Variants in NME7 observed in about 807,000 individuals in gnomAD.
The protein encoded by NME7 is nucleoside diphosphate kinase 7.
A neutral mutation model predicts 49.1 loss-of-function variants in NME7; 41 were observed. The observed-to-expected ratio is 0.83, with a 90% CI of 0.65 to 1.08. NME7 has a LOEUF of 1.08. NME7 is among the 50% of genes least tolerant of loss of function. The pLI, the probability that NME7 is intolerant of heterozygous loss-of-function variation, is 0.00. For missense variants in NME7, 423 were observed against 463.4 expected (o/e 0.91, Z 0.80); for synonymous variants, 139 against 150.6 (o/e 0.92, Z 0.56).
chr1:169,236,469 C>T (rs937698111), intron 8 of NME7, among the ~76,000 whole-genome samples: 1 of 152,068 alleles, frequency 6.6e-6, no homozygotes, highest in African/African-American at 2.4e-5. Context: ...TTCATTAGTA[C>T]AAACTATACC....
At chr1:169,202,345 C>A (rs1056994030) in intron 10 of NME7, among the ~76,000 whole-genome samples, 1 of 152,162 alleles carries the variant, frequency 6.6e-6, no homozygotes, top group Admixed American at 6.5e-5. Context: ...TGGCACCCCC[C>A]TCCCCACCAC....
At chr1:169,331,754 A>C (rs1297609399) in intron 1 of NME7, among the ~76,000 whole-genome samples, 1 of 152,062 alleles carries the variant, frequency 6.6e-6, no homozygotes, top group Non-Finnish European at 1.5e-5. Context: ...AGAATTAACA[A>C]AAGAAATGAA....
intron 11 of NME7, among the ~76,000 whole-genome samples, chr1:169,152,032 T>C (rs1278668095): frequency 6.6e-6 from 1 of 152,212 alleles, no homozygotes; most frequent in African/African-American, 2.4e-5. Context: ...TTATATTTGG[T>C]AAAAAGATAA....
rs1019932511 is a variant in NME7, at chr1:169,275,164, C to T, written c.754+12139G>A. On this transcript the variant is annotated intron_variant, in intron 7 of 11. Coordinates refer to ENST00000367811, the MANE Select transcript of NME7 (RefSeq NM_013330.5). ...TCACTGAGCAATGGTTTGTAGTTCTCCTTGAAGAGGTCCTTCACGTCCCTT... is the reference window on the plus strand; with the variant it reads ...TCACTGAGCAATGGTTTGTAGTTCTTCTTGAAGAGGTCCTTCACGTCCCTT... Among the ~76,000 whole-genome samples, 4 of 131,740 alleles carry T rather than the reference C, an allele frequency of 3.0e-5. 1 individual carries two copies. The highest frequency in any genetic ancestry group is 7.1e-5 in the Non-Finnish European group (4 of 56,450). 86.4% of individuals were successfully genotyped at this position (131,740 alleles called of 152,430 possible).
At chr1:169,283,325 G>A (rs1650115547) in intron 7 of NME7, among the ~76,000 whole-genome samples, 1 of 151,808 alleles carries the variant, frequency 6.6e-6, no homozygotes, top group Non-Finnish European at 1.5e-5. Flanking sequence ...CCTTTACTTT[G>A]AGCCTATATG....
At chr1:169,276,841 C>A (rs556948764) in intron 7 of NME7, among the ~76,000 whole-genome samples, 1 of 141,428 alleles carries the variant, frequency 7.1e-6, no homozygotes, top group African/African-American at 2.5e-5. Context: ...ATAAATTTCC[C>A]TCTACACACT....
intron 8 of NME7, among the ~76,000 whole-genome samples, chr1:169,236,961 A>C (rs1470884503): frequency 6.6e-6 from 1 of 152,144 alleles, no homozygotes. Context: ...TATCTGATTT[A>C]TATAATAATC....
At chr1:169,192,648 G>A (rs533039525) in intron 10 of NME7, among the ~76,000 whole-genome samples, 84 of 152,174 alleles carry the variant, frequency 5.5e-4, no homozygotes, top group African/African-American at 2.0e-3. Flanking sequence ...CTTTGCATAA[G>A]TTTACTCTGT....
chr1:169,238,131 G>T (rs1477802841), intron 7 of NME7, among the ~76,000 whole-genome samples: 2 of 151,934 alleles, frequency 1.3e-5, no homozygotes, highest in African/African-American at 4.8e-5. Flanking sequence ...ACGGGGAAAT[G>T]AAAAGCATGA....
chr1:169,287,689 T>C (rs1650332192), intron 6 of NME7, among the ~76,000 whole-genome samples: 2 of 152,284 alleles, frequency 1.3e-5, no homozygotes, highest in South Asian at 4.1e-4. Context: ...TTTAATAAAT[T>C]TTGAATATTG....
At chr1:169,367,618 G>T in intron 1 of NME7, 90 bp downstream of exon 1, 1 of 1,477,252 alleles carries the variant, frequency 6.8e-7, no homozygotes, top group South Asian at 1.1e-5. Context: ...GGGAGGACCG[G>T]ACAACTTTAA....
chr1:169,311,594 A>G (rs1009630835), intron 3 of NME7, among the ~76,000 whole-genome samples: 22 of 152,070 alleles, frequency 1.4e-4, no homozygotes, highest in Non-Finnish European at 2.4e-4. Context: ...ATTACTTTAT[A>G]TTGTCTGGCT....
chr1:169,312,153 A>G (rs1209975805), intron 3 of NME7, among the ~76,000 whole-genome samples: 1 of 152,222 alleles, frequency 6.6e-6, no homozygotes, highest in Non-Finnish European at 1.5e-5. Context: ...ACCTAGGATC[A>G]TTCACACAGC....
chr1:169,226,364 G>A (rs1647339915), intron 10 of NME7, among the ~76,000 whole-genome samples: 1 of 152,086 alleles, frequency 6.6e-6, no homozygotes, highest in Non-Finnish European at 1.5e-5. Context: ...GCAGTTACTG[G>A]CATGCAGTAA....
chr1:169,290,225 A>T (rs1338128578), intron 6 of NME7, among the ~76,000 whole-genome samples: 2 of 152,098 alleles, frequency 1.3e-5, no homozygotes, highest in South Asian at 4.1e-4. Context: ...GTATGGCTAA[A>T]TGGTGGCCAG....
In NME7 at chr1:169,221,708, C is replaced by G. The variant is rs536339647; in HGVS notation, c.990+9010G>C. 2.6e-5 allele frequency among the ~76,000 whole-genome samples: 4 copies of G among 151,158 alleles called. No homozygotes were observed. The South Asian group carries it at 8.3e-4, about 31-fold the overall frequency. On this transcript the variant is annotated intron_variant, in intron 10 of 11. Transcript: ENST00000367811. ...TTATATATATTTATATACACATAAA[C>G]TTGAACACACATGTGCACACACCCA...
chr1:169,360,628 C>T (rs1385108519), intron 1 of NME7, among the ~76,000 whole-genome samples: 1 of 152,146 alleles, frequency 6.6e-6, no homozygotes, highest in African/African-American at 2.4e-5. Context: ...CCTCTGTGCT[C>T]ACTATTGACT....
At chr1:169,339,200 G>T (rs1022497089) in intron 1 of NME7, among the ~76,000 whole-genome samples, 4 of 152,140 alleles carry the variant, frequency 2.6e-5, no homozygotes, top group African/African-American at 9.7e-5. Context: ...TTGTTTGTAA[G>T]TCTGTTTACT....
At chr1:169,133,181 A>T (rs978111928) in intron 11 of NME7, among the ~76,000 whole-genome samples, 1 of 152,148 alleles carries the variant, frequency 6.6e-6, no homozygotes, top group Non-Finnish European at 1.5e-5. Context: ...TTTTTGGTTC[A>T]GGGATTGGCC....
Sources: allele counts gnomAD v4.1 joint callset (sites outside exome capture counted in the v4.1 genomes callset), GRCh38; gene constraint gnomAD v4.1.1; transcripts MANE v1.5; gene names NCBI Gene and HGNC (gene_info 2026-07-23, HGNC 2026-07-21).